NCAPD3: variants seen among roughly 807,000 people sequenced by gnomAD.
NCAPD3 encodes condensin-2 complex subunit D3.
Under a neutral mutation model 182.9 loss-of-function variants are expected in NCAPD3, and 105 were observed. The ratio of observed to expected loss-of-function variants is 0.57; its 90% CI spans 0.49 to 0.68. The LOEUF (loss-of-function observed/expected upper bound fraction) is 0.68, where lower values mean the gene tolerates loss of function less well. Among genes scored for constraint, NCAPD3 ranks in the 30% least tolerant of loss-of-function variants. NCAPD3 has a pLI of 0.00. For missense variants in NCAPD3, 1,944 were observed against 1,837.0 expected (o/e 1.06, Z -1.07); for synonymous variants, 815 against 679.9 (o/e 1.20, Z -3.09).
intron 12 of NCAPD3, 68 bp downstream of exon 12, chr11:134,203,074 C>T: frequency 7.5e-7 from 1 of 1,333,516 alleles, no homozygotes; most frequent in South Asian, 1.3e-5. Context: ...GTAAGAAAAA[C>T]ATTTTAAATA....
At position 134,169,037 on chromosome 11, in the gene NCAPD3, AG is replaced by A. The variant is rs1943942475; in HGVS notation, c.3118del (p.Leu1040TrpfsTer6). 6.2e-7 allele frequency: 1 copy of A among 1,613,938 alleles called. No homozygotes were observed. Among genetic ancestry groups the A allele is most frequent in the Non-Finnish European group, 8.5e-7 (1 of 1,179,898 alleles). On this transcript the variant is annotated frameshift_variant, in exon 25 of 35. Transcript: ENST00000534548. LOFTEE classifies it high-confidence loss of function. ...PDIASFGEFC[L>X]AHLLLKRNPV... ...GTTCCTCTTCAGTAACAGGTGAGCC[AG>A]GCAAAACTCCCCGAAGCTGCAAAGG... is the stretch of plus-strand genomic sequence containing the variant.
intron 27 of NCAPD3, among the ~76,000 whole-genome samples, chr11:134,163,432 G>C (rs574543124): frequency 1.3e-5 from 2 of 152,212 alleles, no homozygotes; most frequent in African/African-American, 4.8e-5. Flanking sequence ...GGGTGTGGTG[G>C]CTCATGCCTG....
chr11:134,184,264 G>A (rs866368231), intron 19 of NCAPD3, among the ~76,000 whole-genome samples: 1 of 152,248 alleles, frequency 6.6e-6, no homozygotes, highest in South Asian at 2.1e-4. Context: ...ACCTGTTCTG[G>A]AGGGAACTTC....
In NCAPD3 at chr11:134,204,322, A is replaced by G; in HGVS notation, c.1090-151T>C. 3 of 753,940 alleles carry G rather than the reference A, an allele frequency of 4.0e-6. No homozygotes were observed. The highest frequency in any genetic ancestry group is 6.1e-6 in the Non-Finnish European group (3 of 494,356). 46.7% of individuals were successfully genotyped at this position (753,940 alleles called of 1,614,324 possible). A position where few individuals can be genotyped will look rare whatever the true frequency, so the allele number is the denominator to read the frequency against. On this transcript the variant is annotated intron_variant, in intron 9 of 34. Transcript: ENST00000534548. The surrounding 1 kb of genome is among the most constrained non-coding windows in gnomAD (Gnocchi z 4.3). ...TGACTAATAAATTTTAGGTTTTAGA[A>G]CACTTCAAAACTAATCTAAAGGAAA...
chr11:134,192,683 A>G lies in NCAPD3; in HGVS notation c.2045+6T>C. ...ATAGGGAACACAGGTCATACAGTTA[A>G]CCTACCTCAGTTCCTGGCTTTCGGT... On this transcript the variant is annotated splice_donor_region_variant and intron_variant, in intron 16 of 34. Coordinates refer to ENST00000534548, the MANE Select transcript of NCAPD3 (RefSeq NM_015261.3). 1 of 1,610,846 alleles carries G rather than the reference A, an allele frequency of 6.2e-7. No individual in the cohort carries two copies. The highest frequency in any genetic ancestry group is 1.7e-5 in the Admixed American group (1 of 60,026).
In NCAPD3 at chr11:134,151,557, C is replaced by G. The variant is rs1192927257; in HGVS notation, c.*1387G>C. 6.6e-6 allele frequency: 1 copy of G among 152,146 alleles called. No individual in the cohort carries two copies. The highest frequency in any genetic ancestry group is 1.9e-4 in the East Asian group (1 of 5,192). 9.4% of individuals were successfully genotyped at this position (152,146 alleles called of 1,614,324 possible). A position where few individuals can be genotyped will look rare whatever the true frequency, so the allele number is the denominator to read the frequency against. ...AAAGTAGAGTCTGGGAAGTAGCTGCCTATAACTGAGACTAGACGGAAAAGG... is the reference window on the plus strand; with the variant it reads ...AAAGTAGAGTCTGGGAAGTAGCTGCGTATAACTGAGACTAGACGGAAAAGG... On this transcript the variant is annotated 3_prime_UTR_variant, in exon 35 of 35. Coordinates refer to ENST00000534548, the MANE Select transcript of NCAPD3 (RefSeq NM_015261.3).
intron 3 of NCAPD3, among the ~76,000 whole-genome samples, chr11:134,212,375 T>TTTTGTGTGTGTG (rs1555142796): frequency 1.4e-5 from 2 of 143,274 alleles, no homozygotes; most frequent in South Asian, 2.3e-4. Context: ...TTTTGTTGTT[T>TTTTGTGTGTGTG]TGTGTGTGTG....
Position 134,168,113 on chromosome 11 carries a change from C to T in NCAPD3, c.3456G>A (p.Lys1152=). The change falls in exon 27 of 35, where the codon AAG becomes AAA. Residue 1152 remains lysine, a synonymous_variant. Coordinates refer to ENST00000534548, the MANE Select transcript of NCAPD3 (RefSeq NM_015261.3). ...LSDTFEVLSS[K]EIKLLAMRSK... ...ATCTCATTGCCAAAAGCTTGATCTCCTTTGAGCTGAGGACCTCAAACGTGT... is the reference window on the plus strand; with the variant it reads ...ATCTCATTGCCAAAAGCTTGATCTCTTTTGAGCTGAGGACCTCAAACGTGT... 4.3e-6 allele frequency: 7 copies of T among 1,614,122 alleles called. No homozygotes were observed. Among genetic ancestry groups the T allele is most frequent in the Non-Finnish European group, 5.9e-6 (7 of 1,179,976 alleles).
intron 17 of NCAPD3, 130 bp downstream of exon 17, chr11:134,185,204 GT>G: frequency 1.1e-6 from 1 of 949,752 alleles, no homozygotes; most frequent in Non-Finnish European, 1.6e-6. Context: ...TTTCATGCTT[GT>G]TTTTATACCA....
At chr11:134,156,314 G>A (rs561450302) in intron 32 of NCAPD3, among the ~76,000 whole-genome samples, 6 of 152,268 alleles carry the variant, frequency 3.9e-5, no homozygotes, top group South Asian at 2.1e-4. Flanking sequence ...GTGCACAGCC[G>A]GGCGCAGAGC....
chr11:134,153,917 A>C, intron 32 of NCAPD3: 5 of 155,902 alleles, frequency 3.2e-5, no homozygotes, highest in South Asian at 1.9e-4. Flanking sequence ...GGCTCAGTCC[A>C]CCTCCCCCCT....
At chr11:134,171,581 A>C (rs745330072) in intron 24 of NCAPD3, among the ~76,000 whole-genome samples, 2 of 152,142 alleles carry the variant, frequency 1.3e-5, no homozygotes, top group Non-Finnish European at 2.9e-5. Context: ...AGACCCATTT[A>C]TACCAGAATT....
chr11:134,168,337 C>T (rs1395771500), intron 26 of NCAPD3, 132 bp downstream of exon 26: 2 of 1,492,906 alleles, frequency 1.3e-6, no homozygotes, highest in African/African-American at 1.4e-5. Context: ...CAGCTGATGC[C>T]AGAGAAGGAC....
In NCAPD3 at chr11:134,177,598, A is replaced by C. The variant is rs1235231038; in HGVS notation, c.2783-141T>G. On this transcript the variant is annotated intron_variant, in intron 22 of 34. Coordinates refer to ENST00000534548, the MANE Select transcript of NCAPD3 (RefSeq NM_015261.3). ...TGCCCACAATCACAAACAACAAAAA[A>C]CTAAAGGCAGACAGACCCATCTTGA... is the stretch of plus-strand genomic sequence containing the variant. The C allele has an allele frequency of 4.2e-6, 3 of 709,252 alleles. No individual in the cohort carries two copies. The African/African-American group carries it at 5.4e-5, about 13-fold the overall frequency. The allele number at this position is 709,252 out of a possible 1,614,324, so 43.9% of individuals were successfully genotyped here.
chr11:134,177,193 A>G, intron 23 of NCAPD3, 26 bp downstream of exon 23: 3 of 1,530,068 alleles, frequency 2.0e-6, no homozygotes, highest in Non-Finnish European at 2.7e-6. Flanking sequence ...TGAAGGGGAA[A>G]GGACAGATTG....
At chr11:134,205,014 G>A (rs991051338) in intron 8 of NCAPD3, 43 bp from the exon 9 acceptor site, 2 of 1,468,910 alleles carry the variant, frequency 1.4e-6, no homozygotes, top group Non-Finnish European at 1.9e-6. Flanking sequence ...AATACAGTCA[G>A]CGACTGTCCC....
Position 134,151,918 on chromosome 11 carries a change from CCT to C in NCAPD3, c.*1024_*1025del, listed in dbSNP as rs1943250848. On this transcript the variant is annotated 3_prime_UTR_variant, in exon 35 of 35. Transcript: ENST00000534548. ...CTGTGTGCTCAAGAGCAGTGCTGCG[CCT>C]CTCCGCCACCGAGCCCACCTGTGTT... 2 of 152,198 alleles carry C rather than the reference CCT, an allele frequency of 1.3e-5. No individual in the cohort carries two copies. The highest frequency in any genetic ancestry group is 4.8e-5 in the African/African-American group (2 of 41,458). 9.4% of individuals were successfully genotyped at this position (152,198 alleles called of 1,614,324 possible).
intron 32 of NCAPD3, among the ~76,000 whole-genome samples, chr11:134,155,767 A>C (rs937280879): frequency 1.3e-5 from 2 of 151,912 alleles, no homozygotes; most frequent in African/African-American, 4.8e-5. Context: ...AGCAAGCTCT[A>C]ACACACAGAA....
chr11:134,218,014 T>C (rs1565559995), intron 2 of NCAPD3, among the ~76,000 whole-genome samples: 1 of 146,500 alleles, frequency 6.8e-6, no homozygotes. Flanking sequence ...GGGAGGCTCA[T>C]GTGAGCCCAA....
Sources: allele counts gnomAD v4.1 joint callset (sites outside exome capture counted in the v4.1 genomes callset), GRCh38; gene constraint gnomAD v4.1.1; non-coding constraint Gnocchi (gnomAD v3.1); transcripts MANE v1.5; gene names NCBI Gene and HGNC (gene_info 2026-07-23, HGNC 2026-07-21).